The following CEP112 variants were observed in gnomAD, a reference collection of about 807,000 sequenced individuals.
CEP112 encodes centrosomal protein of 112 kDa.
CEP112 carries 127 observed loss-of-function variants against 153.0 expected under a neutral mutation model. The ratio of observed to expected loss-of-function variants is 0.83; its 90% CI spans 0.72 to 0.96. The LOEUF is 0.96. CEP112 is among the 40% of genes least tolerant of loss of function. CEP112 has a pLI of 0.00. For missense variants in CEP112, 1,089 were observed against 1,101.2 expected, an observed-to-expected ratio of 0.99 and a Z score of 0.16; for synonymous variants, 358 against 374.4, an observed-to-expected ratio of 0.96 and a Z score of 0.51.
chr17:65,920,359 C>CAAAAAAAAAAAA (rs1555713306), intron 19 of CEP112, among the ~76,000 whole-genome samples: 1 of 29,834 alleles, frequency 3.4e-5, no homozygotes, highest in African/African-American at 1.3e-4. Flanking sequence ...AACAAACAAA[C>CAAAAAAAAAAAA]AAAATATATA....
At chr17:65,690,729 G>A (rs2048068722) in intron 23 of CEP112, among the ~76,000 whole-genome samples, 1 of 152,162 alleles carries the variant, frequency 6.6e-6, no homozygotes, top group Non-Finnish European at 1.5e-5. Flanking sequence ...CTCCGAGATG[G>A]TATGTTTGTG....
Position 65,810,274 on chromosome 17 carries a change from C to T in CEP112, c.2394+41530G>A, listed in dbSNP as rs9901935. Among the ~76,000 whole-genome samples, 480 of 152,012 alleles carry T rather than the reference C, an allele frequency of 3.2e-3. 3 individuals are homozygous for T. Among genetic ancestry groups the T allele is most frequent in the African/African-American group, 0.011 (456 of 41,448 alleles). On this transcript the variant is annotated intron_variant, in intron 21 of 26. Transcript: ENST00000535342. ...GCATTTACTGGTAGTTGAATATATA[C>T]CCCCCTCCCTATTGCATCTCCCCTT...
intron 18 of CEP112, among the ~76,000 whole-genome samples, chr17:65,954,977 A>G (rs1480758881): frequency 1.3e-5 from 2 of 152,242 alleles, no homozygotes; most frequent in Non-Finnish European, 2.9e-5. Context: ...CAGCCTTGCT[A>G]AAGGCCTAGA....
At chr17:66,111,665 T>TAAGA (rs2069053063) in intron 6 of CEP112, among the ~76,000 whole-genome samples, 1 of 151,114 alleles carries the variant, frequency 6.6e-6, no homozygotes, top group Admixed American at 6.6e-5. Context: ...GACAAGAACA[T>TAAGA]AAGAACACTG....
At chr17:66,047,082 G>A (rs1294425914) in intron 12 of CEP112, among the ~76,000 whole-genome samples, 1 of 151,696 alleles carries the variant, frequency 6.6e-6, no homozygotes, top group East Asian at 1.9e-4. Flanking sequence ...CCAACTTTCG[G>A]TTTGTTTTTA....
rs1036434497 is a variant in CEP112, at chr17:65,710,012, C to T, written c.2608-20794G>A. ...CAACGCCTGCTCTGAGAGCCAGCAGCGTTGTAGGATCTTGAGCCCTACCCC... is the reference window on the plus strand; with the variant it reads ...CAACGCCTGCTCTGAGAGCCAGCAGTGTTGTAGGATCTTGAGCCCTACCCC... On this transcript the variant is annotated intron_variant, in intron 23 of 26. Coordinates refer to ENST00000535342, the MANE Select transcript of CEP112 (RefSeq NM_001199165.4). Among the ~76,000 whole-genome samples the T allele has an allele frequency of 6.6e-5, 10 of 152,316 alleles. No homozygotes were observed. In the East Asian group the frequency reaches 1.2e-3, roughly 18 times the overall value.
chr17:65,942,200 G>C (rs1401679910), intron 18 of CEP112, among the ~76,000 whole-genome samples: 2 of 152,070 alleles, frequency 1.3e-5, no homozygotes, highest in Non-Finnish European at 2.9e-5. Flanking sequence ...TCTCACAGGA[G>C]CGTGAACCCT....
intron 8 of CEP112, among the ~76,000 whole-genome samples, chr17:66,082,231 TAAAA>T (rs1449279303): frequency 2.6e-5 from 4 of 151,982 alleles, no homozygotes; most frequent in Non-Finnish European, 5.9e-5. Flanking sequence ...TTCAGATTAC[TAAAA>T]AAAGAAAGAA....
intron 12 of CEP112, among the ~76,000 whole-genome samples, chr17:66,051,029 G>A (rs1217863407): frequency 6.6e-6 from 1 of 152,026 alleles, no homozygotes; most frequent in Non-Finnish European, 1.5e-5. Context: ...GCCCAAGCTG[G>A]CATCCAGTAG....
At chr17:66,150,945 T>C (rs2071183064) in intron 4 of CEP112, among the ~76,000 whole-genome samples, 1 of 152,188 alleles carries the variant, frequency 6.6e-6, no homozygotes, top group African/African-American at 2.4e-5. Context: ...AAAATGACTA[T>C]TTGTCTTATA....
At chr17:65,894,276 T>G (rs2059586445) in intron 20 of CEP112, among the ~76,000 whole-genome samples, 1 of 152,088 alleles carries the variant, frequency 6.6e-6, no homozygotes, top group Non-Finnish European at 1.5e-5. Context: ...AGAAAAGAAT[T>G]CATCTTAAAA....
chr17:65,831,550 C>T (rs1335500789), intron 21 of CEP112, among the ~76,000 whole-genome samples: 1 of 148,694 alleles, frequency 6.7e-6, no homozygotes, highest in East Asian at 1.9e-4. Flanking sequence ...GAGTGAGACT[C>T]CTTCTCAAAA....
chr17:65,945,602 G>T (rs1020191114), intron 18 of CEP112, among the ~76,000 whole-genome samples: 1 of 151,932 alleles, frequency 6.6e-6, no homozygotes, highest in African/African-American at 2.4e-5. Flanking sequence ...TAGCATTGTG[G>T]TTTTATTTTT....
At chr17:65,680,617 T>C (rs1002709333) in intron 24 of CEP112, among the ~76,000 whole-genome samples, 2 of 152,108 alleles carry the variant, frequency 1.3e-5, no homozygotes, top group Non-Finnish European at 2.9e-5. Context: ...ACCCTCAAAG[T>C]GTACCACCTA....
intron 18 of CEP112, among the ~76,000 whole-genome samples, chr17:65,932,632 A>G (rs772463869): frequency 8.5e-5 from 13 of 152,162 alleles, no homozygotes; most frequent in Non-Finnish European, 1.6e-4. Flanking sequence ...GAAACTTACA[A>G]TCATGGCAGA....
intron 4 of CEP112, among the ~76,000 whole-genome samples, chr17:66,158,567 G>A (rs755672182): frequency 9.9e-5 from 15 of 152,124 alleles, no homozygotes; most frequent in African/African-American, 2.2e-4. Context: ...AGCCGAGATC[G>A]CGCCACTGCA....
At chr17:65,899,688 G>T (rs1202680914) in intron 20 of CEP112, among the ~76,000 whole-genome samples, 1 of 127,992 alleles carries the variant, frequency 7.8e-6, no homozygotes, top group African/African-American at 2.6e-5. Context: ...GAATCTGGTG[G>T]AAGGGAAGAG....
intron 6 of CEP112, among the ~76,000 whole-genome samples, chr17:66,099,619 A>T (rs1236089304): frequency 6.6e-6 from 1 of 152,134 alleles, no homozygotes; most frequent in Non-Finnish European, 1.5e-5. Flanking sequence ...GCTGTCCAGA[A>T]CTAAGAAATA....
intron 20 of CEP112, among the ~76,000 whole-genome samples, chr17:65,866,654 G>C (rs1001945717): frequency 1.3e-5 from 2 of 152,138 alleles, no homozygotes; most frequent in Middle Eastern, 3.2e-3. Flanking sequence ...AGCCATATCA[G>C]AAGAGACAAA....
Sources: allele counts gnomAD v4.1 joint callset (sites outside exome capture counted in the v4.1 genomes callset), GRCh38; gene constraint gnomAD v4.1.1; transcripts MANE v1.5; gene names NCBI Gene and HGNC (gene_info 2026-07-23, HGNC 2026-07-21).